The following UNC13C variants were observed in gnomAD, a reference collection of about 807,000 sequenced individuals.
UNC13C encodes the protein unc-13 homolog C, also known as protein unc-13 homolog C.
Under a neutral mutation model 245.4 loss-of-function variants are expected in UNC13C, and 174 were observed. The ratio of observed to expected loss-of-function variants is 0.71; its 90% confidence interval spans 0.63 to 0.80. UNC13C has a LOEUF of 0.80. Among genes scored for constraint, UNC13C ranks in the 30% least tolerant of loss-of-function variants. UNC13C has a pLI of 0.00. For synonymous variants in UNC13C, 992 were observed against 895.1 expected (o/e 1.11, Z -1.93); for missense variants, 2,829 against 2,602.9 (o/e 1.09, Z -1.89).
chr15:54,027,332 A>G (rs1896154147), intron 2 of UNC13C, among the ~76,000 whole-genome samples: 1 of 152,144 alleles, frequency 6.6e-6, no homozygotes, highest in South Asian at 2.1e-4. Context: ...AATGAGTTGT[A>G]GGAGTTATGT....
At chr15:53,952,174 A>C in the UNC13C span, among the ~76,000 whole-genome samples, 1 of 152,200 alleles carries the variant, frequency 6.6e-6, no homozygotes, top group Non-Finnish European at 1.5e-5. Flanking sequence ...GTATTTCTAA[A>C]GAGTAGGGAT....
At chr15:54,396,392 C>A (rs1198409424) in intron 18 of UNC13C, among the ~76,000 whole-genome samples, 1 of 151,606 alleles carries the variant, frequency 6.6e-6, no homozygotes, top group African/African-American at 2.4e-5. Flanking sequence ...TTCATTACAA[C>A]TATTTTGAGT....
intron 10 of UNC13C, among the ~76,000 whole-genome samples, chr15:54,280,681 T>A (rs553370659): frequency 3.7e-5 from 3 of 81,340 alleles, no homozygotes; most frequent in African/African-American, 2.6e-4. Flanking sequence ...TATACATATA[T>A]ACATATATAA....
chr15:53,975,056 TCCAGAGTGAGCAAA>T (rs1893653495), upstream of UNC13C: 1 of 152,162 alleles, frequency 6.6e-6, no homozygotes, highest in South Asian at 2.1e-4. Flanking sequence ...ACTAACTTCC[TCCAGAGTGAGCAAA>T]CCAGAGTGGG....
rs1199502950 is a variant in UNC13C at position 54,077,451 on chromosome 15, T to G, written c.2983+61565T>G. On this transcript the variant is annotated intron_variant, in intron 2 of 32. Transcript: ENST00000260323. ...TGGAGTGCTTTGGCATGATCTTGGC[T>G]TACTGCAACCTCTGCCTCCCAGGTT... Among the ~76,000 whole-genome samples the G allele has an allele frequency of 2.1e-5, 3 of 143,086 alleles. No individual in the cohort carries two copies. The Admixed American group carries it at 2.2e-4, about 10-fold the overall frequency. The allele number at this position is 143,086 out of a possible 152,430, so 93.9% of individuals were successfully genotyped here.
intron 2 of UNC13C, among the ~76,000 whole-genome samples, chr15:54,094,314 C>G (rs1595845654): frequency 6.6e-6 from 1 of 152,130 alleles, no homozygotes; most frequent in East Asian, 1.9e-4. Flanking sequence ...TTCTTATTTT[C>G]CCTTATGGAT....
intron 20 of UNC13C, among the ~76,000 whole-genome samples, chr15:54,497,638 G>T (rs1022996665): frequency 1.3e-5 from 2 of 152,096 alleles, no homozygotes; most frequent in Non-Finnish European, 2.9e-5. Context: ...TCATAGTGCT[G>T]AAGGGACAAA....
rs766282011 is a variant in UNC13C, at chr15:54,567,946, GAGTA to G, written c.6106+5_6106+8del. The G allele has an allele frequency of 3.8e-6, 6 of 1,559,844 alleles. No individual in the cohort carries two copies. Among genetic ancestry groups the G allele is most frequent in the South Asian group, 1.2e-5 (1 of 82,582 alleles). ...AATTCATAGATACTCAAACCTCACA[GAGTA>G]AGTAACACATAGGACCTGAGAATAA... is the stretch of plus-strand genomic sequence containing the variant. On this transcript the variant is annotated splice_donor_variant and splice_donor_region_variant and coding_sequence_variant and intron_variant, in exon 30 of 33. Coordinates refer to ENST00000260323, the MANE Select transcript of UNC13C (RefSeq NM_001080534.3). LOFTEE classifies it high-confidence loss of function.
chr15:54,494,547 G>A (rs1001469326), intron 19 of UNC13C, 61 bp from the exon 20 acceptor site: 11 of 1,408,588 alleles, frequency 7.8e-6, no homozygotes, highest in Non-Finnish European at 1.0e-5. Context: ...AAATAGATTG[G>A]AACATAGCAG....
chr15:54,119,579 C>T (rs544969086), intron 2 of UNC13C, among the ~76,000 whole-genome samples: 4 of 152,206 alleles, frequency 2.6e-5, no homozygotes, highest in African/African-American at 9.6e-5. Context: ...ACATTGGCCT[C>T]TGAGTGTTTA....
chr15:54,519,178 G>C (rs1051058209), intron 24 of UNC13C, among the ~76,000 whole-genome samples: 1 of 152,004 alleles, frequency 6.6e-6, no homozygotes, highest in Non-Finnish European at 1.5e-5. Flanking sequence ...TCATTATAAG[G>C]ACAATCCGCA....
intron 10 of UNC13C, among the ~76,000 whole-genome samples, chr15:54,273,260 T>G (rs1189531473): frequency 2.0e-5 from 3 of 152,192 alleles, no homozygotes; most frequent in Admixed American, 6.5e-5. Flanking sequence ...TATGCTTGTT[T>G]ATTCCTCTCT....
At chr15:54,579,764 A>AG (rs1483305384) in intron 30 of UNC13C, among the ~76,000 whole-genome samples, 2 of 152,208 alleles carry the variant, frequency 1.3e-5, no homozygotes, top group African/African-American at 4.8e-5. Flanking sequence ...GTCTCAAAAA[A>AG]GAAAAAAACA....
intron 14 of UNC13C, among the ~76,000 whole-genome samples, chr15:54,325,284 A>G (rs2038269232): frequency 6.8e-6 from 1 of 147,464 alleles, no homozygotes; most frequent in Non-Finnish European, 1.5e-5. Context: ...ACACACTTAC[A>G]CACACACATA....
the UNC13C span, among the ~76,000 whole-genome samples, chr15:53,962,297 T>A: frequency 3.9e-5 from 6 of 152,320 alleles, no homozygotes; most frequent in African/African-American, 7.2e-5. Flanking sequence ...AATCATTATA[T>A]GTGAAATAGA....
intron 10 of UNC13C, among the ~76,000 whole-genome samples, chr15:54,266,402 C>A (rs550658606): frequency 6.6e-6 from 1 of 151,952 alleles, no homozygotes; most frequent in East Asian, 1.9e-4. Flanking sequence ...TATCCCTTTA[C>A]GTGTTAAAAT....
chr15:53,970,896 ATGTTTATTCTATTT>A, the UNC13C span, among the ~76,000 whole-genome samples: 1 of 152,168 alleles, frequency 6.6e-6, no homozygotes, highest in Non-Finnish European at 1.5e-5. Flanking sequence ...GCTGGATCGT[ATGTTTATTCTATTT>A]TTGAATTTTT....
At position 54,358,515 on chromosome 15, in the gene UNC13C, T is replaced by G. The variant is rs142597901; in HGVS notation, c.4713+20026T>G. Among the ~76,000 whole-genome samples, 1,106 of 152,220 alleles carry G rather than the reference T, an allele frequency of 7.3e-3. 12 individuals carry two copies. Among genetic ancestry groups the G allele is most frequent in the African/African-American group, 0.026 (1,063 of 41,552 alleles). ...TTGATTTCATCAGTTATCTTATAGT[T>G]TTCAGTATAGAGATCTTTGACCTCC... On this transcript the variant is annotated intron_variant, in intron 17 of 32. Transcript: ENST00000260323.
chr15:53,948,771 C>T, the UNC13C span, among the ~76,000 whole-genome samples: 1 of 151,634 alleles, frequency 6.6e-6, no homozygotes, highest in Admixed American at 6.6e-5. Context: ...AGGAAATGAC[C>T]TTTCAAGCAG....
Sources: allele counts gnomAD v4.1 joint callset (sites outside exome capture counted in the v4.1 genomes callset), GRCh38; gene constraint gnomAD v4.1.1; transcripts MANE v1.5; gene names NCBI Gene and HGNC (gene_info 2026-07-23, HGNC 2026-07-21).